MSANTD3: variants seen among roughly 807,000 people sequenced by gnomAD.
The protein encoded by MSANTD3 is myb/SANT-like DNA-binding domain-containing protein 3.
MSANTD3 carries 11 observed loss-of-function variants against 27.7 expected under a neutral mutation model. The observed-to-expected ratio is 0.40, with a 90% CI of 0.25 to 0.66. The LOEUF (loss-of-function observed/expected upper bound fraction) is 0.66. Among genes scored for constraint, MSANTD3 ranks in the 30% least tolerant of loss-of-function variants. The pLI is 0.41. For missense variants in MSANTD3, 250 were observed against 336.5 expected (o/e 0.74, Z 2.01); for synonymous variants, 131 against 127.2 (o/e 1.03, Z -0.20).
At position 100,432,292 on chromosome 9, in the gene MSANTD3, T is replaced by C. The variant is rs560342533; in HGVS notation, c.-34+4899T>C. ...AAGAAGGTAGAGAGGCAGAGAGAGC[T>C]TGGGTGAGTGGCCATCCTGGGCACA... On this transcript the variant is annotated intron_variant, in intron 1 of 2. Coordinates refer to ENST00000395067, the MANE Select transcript of MSANTD3 (RefSeq NM_080655.3). Among the ~76,000 whole-genome samples, 10 of 152,244 alleles carry C rather than the reference T, an allele frequency of 6.6e-5. No homozygotes were observed. The East Asian group carries it at 1.9e-3, about 29-fold the overall frequency.
chr9:100,429,181 G>T (rs936242839), intron 1 of MSANTD3, among the ~76,000 whole-genome samples: 3 of 152,170 alleles, frequency 2.0e-5, no homozygotes, highest in South Asian at 2.1e-4. Context: ...TTTTAACCAG[G>T]CATTGAAGCA....
At chr9:100,429,267 G>A (rs1286892858) in intron 1 of MSANTD3, among the ~76,000 whole-genome samples, 1 of 152,224 alleles carries the variant, frequency 6.6e-6, no homozygotes, top group Admixed American at 6.5e-5. Context: ...GCTTTGGAGA[G>A]ATAGACAGTT....
intron 1 of MSANTD3, among the ~76,000 whole-genome samples, chr9:100,439,709 C>T (rs754285808): frequency 9.6e-4 from 144 of 149,656 alleles, no homozygotes; most frequent in Non-Finnish European, 1.9e-3. Context: ...TTAGTAGAGA[C>T]GGGGTTTCAC....
chr9:100,433,180 A>G (rs904989944), intron 1 of MSANTD3, among the ~76,000 whole-genome samples: 8 of 152,216 alleles, frequency 5.3e-5, no homozygotes, highest in African/African-American at 1.9e-4. Flanking sequence ...CTCTGTTACT[A>G]GGGCCTTGGG....
chr9:100,438,639 C>G (rs898630142), intron 1 of MSANTD3, among the ~76,000 whole-genome samples: 2 of 152,246 alleles, frequency 1.3e-5, no homozygotes, highest in African/African-American at 4.8e-5. Flanking sequence ...GCTGTGTAAG[C>G]TGTGTAATTT....
At chr9:100,449,205 A>T in intron 2 of MSANTD3, 1 of 985,386 alleles carries the variant, frequency 1.0e-6, no homozygotes, top group Non-Finnish European at 1.2e-6. Flanking sequence ...TCCTTATTGC[A>T]ACTCCCTAAT....
In MSANTD3 at chr9:100,444,912, C is replaced by T. The variant is rs139105213; in HGVS notation, c.418+2556C>T. 3.6e-3 allele frequency: 1,247 copies of T among 344,684 alleles called. 7 individuals carry two copies. Among genetic ancestry groups the T allele is most frequent in the South Asian group, 0.015 (153 of 10,416 alleles). 21.4% of individuals were successfully genotyped at this position (344,684 alleles called of 1,614,324 possible). ...CATTTAATAGTGACTCAAGTATAAACGGATTTATTTTAAATTGGATGTTTG... is the reference window on the plus strand; with the variant it reads ...CATTTAATAGTGACTCAAGTATAAATGGATTTATTTTAAATTGGATGTTTG... On this transcript the variant is annotated intron_variant, in intron 2 of 2. Coordinates refer to ENST00000395067, the MANE Select transcript of MSANTD3 (RefSeq NM_080655.3).
At chr9:100,435,604 C>CA (rs1836463139) in intron 1 of MSANTD3, among the ~76,000 whole-genome samples, 1 of 152,188 alleles carries the variant, frequency 6.6e-6, no homozygotes, top group Non-Finnish European at 1.5e-5. Context: ...AAGGTGTTGG[C>CA]AAGTTAGATT....
At chr9:100,447,705 G>A (rs1298542815) in intron 2 of MSANTD3, among the ~76,000 whole-genome samples, 1 of 152,186 alleles carries the variant, frequency 6.6e-6, no homozygotes, top group African/African-American at 2.4e-5. Context: ...TGTGACCTTG[G>A]ATATTGTATT....
At chr9:100,430,641 C>T (rs1836353676) in intron 1 of MSANTD3, among the ~76,000 whole-genome samples, 1 of 152,076 alleles carries the variant, frequency 6.6e-6, no homozygotes, top group South Asian at 2.1e-4. Context: ...GTTTGGGAGA[C>T]CATTTTAGAG....
chr9:100,439,772 G>C, intron 1 of MSANTD3, among the ~76,000 whole-genome samples: 1 of 151,576 alleles, frequency 6.6e-6, no homozygotes. Flanking sequence ...GCCCGCCTCA[G>C]CCTCCCAAAG....
intron 2 of MSANTD3, among the ~76,000 whole-genome samples, chr9:100,443,681 C>CA (rs1444698011): frequency 6.6e-6 from 1 of 152,160 alleles, no homozygotes; most frequent in East Asian, 1.9e-4. Context: ...GATAGTGTGT[C>CA]ATAGCTTCAA....
chr9:100,438,386 A>G (rs1242475548), intron 1 of MSANTD3, among the ~76,000 whole-genome samples: 1 of 152,234 alleles, frequency 6.6e-6, no homozygotes, highest in African/African-American at 2.4e-5. Flanking sequence ...CTAGGAATTT[A>G]TCTTGAAGAA....
At chr9:100,437,058 GCCT>G (rs1836493526) in intron 1 of MSANTD3, among the ~76,000 whole-genome samples, 1 of 152,172 alleles carries the variant, frequency 6.6e-6, no homozygotes, top group Non-Finnish European at 1.5e-5. Flanking sequence ...ACCTGCCTCG[GCCT>G]CCCAAAGTGC....
intron 1 of MSANTD3, among the ~76,000 whole-genome samples, chr9:100,434,509 G>A (rs983573948): frequency 1.3e-5 from 2 of 152,052 alleles, no homozygotes; most frequent in African/African-American, 4.8e-5. Context: ...CAGCCTGGGC[G>A]ACAGAGCTAG....
rs1324878872 is a variant in MSANTD3, at chr9:100,451,549, G to A, written c.*583G>A. 2 of 151,646 alleles carry A rather than the reference G, an allele frequency of 1.3e-5. No homozygotes were observed. Among genetic ancestry groups the A allele is most frequent in the African/African-American group, 4.8e-5 (2 of 41,254 alleles). 9.4% of individuals were successfully genotyped at this position (151,646 alleles called of 1,614,324 possible). A position where few individuals can be genotyped will look rare whatever the true frequency, so the allele number is the denominator to read the frequency against. On this transcript the variant is annotated 3_prime_UTR_variant, in exon 3 of 3. Coordinates refer to ENST00000395067, the MANE Select transcript of MSANTD3 (RefSeq NM_080655.3). The stretch of plus-strand genomic sequence containing the variant: ...TTTAAACAGCCCAAAGTTTAGAAGG[G>A]TATTTTCTAATGTGGCTCATAAACC...
intron 2 of MSANTD3, among the ~76,000 whole-genome samples, chr9:100,450,079 G>A (rs1482658339): frequency 6.6e-6 from 1 of 152,170 alleles, no homozygotes; most frequent in African/African-American, 2.4e-5. Context: ...GCTAACACCT[G>A]TGACCAGGAA....
Position 100,442,097 on chromosome 9 carries a change from C to G in MSANTD3, c.159C>G (p.Ala53=). 6.8e-6 allele frequency: 11 copies of G among 1,614,180 alleles called. No homozygotes were observed. Among genetic ancestry groups the G allele is most frequent in the Non-Finnish European group, 9.3e-6 (11 of 1,180,034 alleles). ...ALKQRTWQAL[A]HEYNSQPSVS... ...AGCAGCGTACCTGGCAGGCGCTGGC[C>G]CACGAATACAACTCTCAGCCCAGCG... is the stretch of plus-strand genomic sequence containing the variant. The change falls in exon 2 of 3, where the codon GCC becomes GCG. Residue 53 remains alanine, a synonymous_variant. Transcript: ENST00000395067.
chr9:100,446,364 A>G (rs1299769423), intron 2 of MSANTD3, among the ~76,000 whole-genome samples: 2 of 152,068 alleles, frequency 1.3e-5, no homozygotes, highest in East Asian at 1.9e-4. Context: ...TGTTTGTTCT[A>G]TTTTTATTCC....
Sources: gnomAD v4.1 joint callset for allele counts (sites outside exome capture counted in the v4.1 genomes callset) on GRCh38, gnomAD v4.1.1 for gene constraint, MANE v1.5 for transcripts, NCBI Gene and HGNC (gene_info 2026-07-23, HGNC 2026-07-21) for gene names.